Variants in SEPTIN6 observed in about 807,000 individuals in gnomAD.
SEPTIN6 encodes septin-6.
Under a neutral mutation model 33.6 loss-of-function variants are expected in SEPTIN6, and 8 were observed. The ratio of observed to expected loss-of-function variants is 0.24; its 90% CI spans 0.14 to 0.43. The LOEUF is 0.43. SEPTIN6 is among the 20% of genes least tolerant of loss of function. SEPTIN6 has a pLI of 1.00. For missense variants in SEPTIN6, 250 were observed against 340.8 expected, an observed-to-expected ratio of 0.73 and a Z score of 2.10; for synonymous variants, 131 against 140.0, an observed-to-expected ratio of 0.94 and a Z score of 0.45.
chrX:119,682,248 G>A (rs952023969), intron 1 of SEPTIN6, among the ~76,000 whole-genome samples: 9 of 111,045 alleles, frequency 8.1e-5, no homozygotes, highest in South Asian at 3.8e-4. Flanking sequence ...GGGAGTAGTC[G>A]GTATGCTTCC....
rs187163622 is a variant in SEPTIN6 at position 119,683,916 on chromosome X, C to T, written c.31-8248G>A. Among the ~76,000 whole-genome samples, 4 of 106,537 alleles carry T rather than the reference C, an allele frequency of 3.8e-5. No homozygotes were observed. The East Asian group carries it at 1.2e-3, about 31-fold the overall frequency. The allele number at this position is 106,537 out of a possible 115,157, so 92.5% of individuals were successfully genotyped here. On this transcript the variant is annotated intron_variant, in intron 1 of 10. Transcript: ENST00000394610. ...ATTTTACCAGAAATACAATAAAACC[C>T]TATTAGTCTCCTTATTATAACTTCT...
intron 7 of SEPTIN6, among the ~76,000 whole-genome samples, chrX:119,635,343 C>T (rs188575758): frequency 3.7e-4 from 41 of 110,759 alleles, no homozygotes; most frequent in African/African-American, 1.1e-3. Context: ...AGCTTGGGAA[C>T]CATCTACTTC....
At chrX:119,686,855 C>A (rs1285862387) in intron 1 of SEPTIN6, among the ~76,000 whole-genome samples, 1 of 111,819 alleles carries the variant, frequency 8.9e-6, no homozygotes. Flanking sequence ...ATCAGAGAGT[C>A]TCCGAATCAC....
At chrX:119,649,487 TAA>T (rs550577767) in intron 5 of SEPTIN6, among the ~76,000 whole-genome samples, 18 of 81,104 alleles carry the variant, frequency 2.2e-4, no homozygotes, top group Non-Finnish European at 2.6e-4. Context: ...GATCCTGTCT[TAA>T]AAAAAAAAAA....
chrX:119,688,790 C>T (rs1419543043), intron 1 of SEPTIN6, among the ~76,000 whole-genome samples: 1 of 110,126 alleles, frequency 9.1e-6, no homozygotes, highest in African/African-American at 3.3e-5. Context: ...AATGACTGTC[C>T]AAAAACCCCT....
At chrX:119,679,403 G>A (rs1357740458) in intron 1 of SEPTIN6, among the ~76,000 whole-genome samples, 1 of 111,541 alleles carries the variant, frequency 9.0e-6, no homozygotes, top group Non-Finnish European at 1.9e-5. Context: ...TTGATTGGAT[G>A]GACAGAGAGA....
At position 119,619,674 on chromosome X, in the gene SEPTIN6, C is replaced by G; in HGVS notation, c.*419G>C. The G allele has an allele frequency of 1.1e-6, 1 of 901,480 alleles. No homozygotes were observed. The highest frequency in any genetic ancestry group is 1.4e-6 in the Non-Finnish European group (1 of 732,401). The allele number at this position is 901,480 out of a possible 1,213,427, so 74.3% of individuals were successfully genotyped here. Reference sequence around the variant, plus strand: ...GCTGTGCTGATCGGTGGTTACCCAGCCATGGTGGTTGCAAATACCTCAGGG... The same window carrying G: ...GCTGTGCTGATCGGTGGTTACCCAGGCATGGTGGTTGCAAATACCTCAGGG... On this transcript the variant is annotated 3_prime_UTR_variant, in exon 11 of 11. Coordinates refer to ENST00000394610, the MANE Select transcript of SEPTIN6 (RefSeq NM_145799.4).
intron 10 of SEPTIN6, among the ~76,000 whole-genome samples, chrX:119,622,312 G>A (rs981453447): frequency 9.0e-6 from 1 of 111,698 alleles, no homozygotes; most frequent in Admixed American, 9.5e-5. Context: ...CAAATGCAGA[G>A]AGCTATAAGT....
At position 119,650,022 on chromosome X, in the gene SEPTIN6, G is replaced by C; in HGVS notation, c.605C>G (p.Thr202Ser). ...GACTCCGTTGCTGACAAGCTCGCTG[G>C]TGATTTTGATTTTGAACTTTGTTAG... The part of the protein sequence containing the change: ...SELTKFKIKI[T>S]SELVSNGVQI... The change falls in exon 5 of 11, where the codon ACC (threonine) becomes AGC (serine). Residue 202 changes from threonine (T) to serine (S), a missense_variant. Around this residue, in one of 2 missense-constraint regions of SEPTIN6, gnomAD observed 139 missense variants for 227.0 expected, o/e 0.61. Coordinates refer to ENST00000394610, the MANE Select transcript of SEPTIN6 (RefSeq NM_145799.4). 8.3e-7 allele frequency: 1 copy of C among 1,211,264 alleles called. No individual in the cohort carries two copies. Among genetic ancestry groups the C allele is most frequent in the South Asian group, 1.8e-5 (1 of 56,981 alleles).
intron 2 of SEPTIN6, among the ~76,000 whole-genome samples, chrX:119,669,401 G>A (rs981366642): frequency 6.2e-5 from 7 of 112,367 alleles, no homozygotes; most frequent in African/African-American, 2.3e-4. Flanking sequence ...CCAGAGAAAC[G>A]TCTCTGAGTT....
At chrX:119,634,987 C>T (rs1226000651) in intron 7 of SEPTIN6, 9 of 178,916 alleles carry the variant, frequency 5.0e-5, no homozygotes, top group African/African-American at 8.2e-5. Flanking sequence ...CCAGCCTGGG[C>T]GATAGAGCAA....
intron 8 of SEPTIN6, among the ~76,000 whole-genome samples, chrX:119,631,068 G>T (rs2053950041): frequency 9.0e-6 from 1 of 111,205 alleles, no homozygotes; most frequent in African/African-American, 3.3e-5. Flanking sequence ...TGTAGCACTT[G>T]CAGCATACGA....
chrX:119,624,144 G>GTTTTTTT, intron 10 of SEPTIN6: 2 of 211,637 alleles, frequency 9.5e-6, no homozygotes, highest in Non-Finnish European at 8.7e-6. Context: ...TTTATTATGG[G>GTTTTTTT]TTTTTTTTTT....
chrX:119,653,351 A>G (rs1352512867), intron 3 of SEPTIN6, among the ~76,000 whole-genome samples: 2 of 112,064 alleles, frequency 1.8e-5, no homozygotes, highest in African/African-American at 6.5e-5. Context: ...TTCCCCACTT[A>G]TGCCAGAAAT....
chrX:119,637,292 G>A lies in SEPTIN6; in HGVS notation c.788-97C>T, dbSNP rs1009991676. On this transcript the variant is annotated intron_variant, in intron 6 of 10. Transcript: ENST00000394610. ...GAGAGGCAAAATGTCTAACAGTGAC[G>A]TTGCCTTGCAATCTGTGTATTTAGA... 11 of 770,034 alleles carry A rather than the reference G, an allele frequency of 1.4e-5. No individual in the cohort carries two copies. In the African/African-American group the frequency reaches 2.1e-4, roughly 14 times the overall value. 63.5% of individuals were successfully genotyped at this position (770,034 alleles called of 1,213,427 possible).
chrX:119,661,849 C>A (rs557388711), intron 3 of SEPTIN6, among the ~76,000 whole-genome samples: 1 of 112,164 alleles, frequency 8.9e-6, no homozygotes, highest in Admixed American at 9.4e-5. Flanking sequence ...GTGATTCTCC[C>A]GCCTCAGCCA....
rs766024255 is a variant in SEPTIN6 at position 119,619,234 on chromosome X, T to A, written c.*859A>T. ...TACTGGCCTCACCTTATTGGGACAG[T>A]ATGGAGCCCTTCCGGAAATTACCCC... is the stretch of plus-strand genomic sequence containing the variant. On this transcript the variant is annotated 3_prime_UTR_variant, in exon 11 of 11. Transcript: ENST00000394610. The A allele has an allele frequency of 2.3e-5, 19 of 816,723 alleles. No homozygotes were observed. In the South Asian group the frequency reaches 9.9e-4, roughly 43 times the overall value. 67.3% of individuals were successfully genotyped at this position (816,723 alleles called of 1,213,427 possible). A position where few individuals can be genotyped will look rare whatever the true frequency, so the allele number is the denominator to read the frequency against.
intron 1 of SEPTIN6, among the ~76,000 whole-genome samples, chrX:119,676,026 C>T (rs1053216945): frequency 5.4e-5 from 6 of 111,243 alleles, no homozygotes; most frequent in African/African-American, 2.0e-4. Flanking sequence ...GAGTAACTTG[C>T]TGAGACTGTT....
intron 5 of SEPTIN6, among the ~76,000 whole-genome samples, chrX:119,642,177 C>CAAA (rs1188953936): frequency 1.5e-4 from 7 of 45,333 alleles, no homozygotes; most frequent in South Asian, 1.1e-3. Context: ...GACCCAGTCT[C>CAAA]AAAAAAAAAA....
Sources: allele counts gnomAD v4.1 joint callset (sites outside exome capture counted in the v4.1 genomes callset), GRCh38; gene constraint gnomAD v4.1.1; regional missense constraint gnomAD v4.1.1; transcripts MANE v1.5; gene names NCBI Gene and HGNC (gene_info 2026-07-23, HGNC 2026-07-21).